ATAD5: variants seen among roughly 807,000 people sequenced by gnomAD.
The protein encoded by ATAD5 is ATPase family AAA domain-containing protein 5.
ATAD5 carries 58 observed loss-of-function variants against 176.9 expected under a neutral mutation model. That is an observed-to-expected ratio of 0.33 (90% confidence interval 0.27 to 0.41). ATAD5 has a LOEUF of 0.41. ATAD5 is among the 10% of genes least tolerant of loss of function. The pLI, the probability that ATAD5 is intolerant of heterozygous loss-of-function variation, is 1.00. For missense variants in ATAD5, 1,789 were observed against 2,094.1 expected, an observed-to-expected ratio of 0.85 and a Z score of 2.84; for synonymous variants, 640 against 712.6, an observed-to-expected ratio of 0.90 and a Z score of 1.62.
chr17:30,837,168 T>A, intron 2 of ATAD5, 38 bp from the exon 3 acceptor site: 1 of 1,142,412 alleles, frequency 8.8e-7, no homozygotes, highest in Non-Finnish European at 1.2e-6. Context: ...TATGTTATAA[T>A]CATGAAAATG....
At chr17:30,866,202 T>C (rs1296851649) in intron 11 of ATAD5, among the ~76,000 whole-genome samples, 3 of 139,700 alleles carry the variant, frequency 2.1e-5, no homozygotes, top group African/African-American at 5.4e-5. Context: ...TTTTTTTTTT[T>C]TTTTTTTTTT....
At chr17:30,863,279 T>C (rs1907751644) in intron 10 of ATAD5, among the ~76,000 whole-genome samples, 1 of 152,028 alleles carries the variant, frequency 6.6e-6, no homozygotes, top group Non-Finnish European at 1.5e-5. Context: ...CACTGCAGCC[T>C]CCACCTCCTG....
At chr17:30,872,529 CTTTTTCTTTTTTTTTTTCT>C (rs141946247) in intron 14 of ATAD5, among the ~76,000 whole-genome samples, 28,924 of 142,974 alleles carry the variant, frequency 0.2, 3,268 homozygotes, top group Middle Eastern at 0.28. Flanking sequence ...CCTCAGGTTT[CTTTTTCTTTTTTTTTTTCT>C]TTTTTCTTTT....
At chr17:30,843,447 C>T (rs926424815) in intron 4 of ATAD5, among the ~76,000 whole-genome samples, 8 of 151,872 alleles carry the variant, frequency 5.3e-5, no homozygotes, top group South Asian at 2.1e-4. Context: ...GTCAGGAGTT[C>T]GAGACCAGCC....
At chr17:30,834,080 A>G in intron 1 of ATAD5, 68 bp from the exon 2 acceptor site, 1 of 1,274,180 alleles carries the variant, frequency 7.8e-7, no homozygotes, top group Non-Finnish European at 1.1e-6. Context: ...TATTAGATCC[A>G]TGTTTAAAAT....
chr17:30,894,611 G>T lies in ATAD5; in HGVS notation c.5345G>T (p.Arg1782Leu). 1 of 1,613,116 alleles carries T rather than the reference G, an allele frequency of 6.2e-7. No homozygotes were observed. The highest frequency in any genetic ancestry group is 8.5e-7 in the Non-Finnish European group (1 of 1,179,586). Residue 1782 changes from arginine to leucine, a missense_variant, in exon 22 of 23, where the codon CGA becomes CTA. Arg to Leu is a moderately radical substitution (Grantham distance 102). This residue lies in a region of ATAD5 where 403 missense variants were observed against 495.1 expected (regional missense o/e 0.81). Coordinates refer to ENST00000321990, the MANE Select transcript of ATAD5 (RefSeq NM_024857.5). Reference protein sequence around the residue: ...ISVIKSVFSSRSLLYVGNRQA... With the variant: ...ISVIKSVFSSLSLLYVGNRQA... ...GTCATTAAAAGTGTATTTTCGAGTC[G>T]ATCTCTTCTCTATGTGGGTAATAGA...
intron 18 of ATAD5, among the ~76,000 whole-genome samples, chr17:30,879,918 G>A (rs1908912464): frequency 6.6e-6 from 1 of 151,852 alleles, no homozygotes; most frequent in African/African-American, 2.4e-5. Context: ...CAGCTACTTG[G>A]GAGGCTGAGG....
At chr17:30,845,580 T>G (rs1218720415) in intron 6 of ATAD5, among the ~76,000 whole-genome samples, 7 of 152,024 alleles carry the variant, frequency 4.6e-5, no homozygotes, top group Non-Finnish European at 2.9e-5. Flanking sequence ...GGGTGAGAGG[T>G]GGGTGCCAGC....
In ATAD5 at chr17:30,869,610, T is replaced by G. The variant is rs1336967402; in HGVS notation, c.3571T>G (p.Cys1191Gly). Residue 1191 changes from cysteine to glycine, a missense_variant, in exon 14 of 23, where the codon TGT becomes GGT. This residue lies in a region of ATAD5 where 194 missense variants were observed against 270.1 expected (regional missense o/e 0.72). Transcript: ENST00000321990. ...DKQGVNSQKP[C>G]FFNSYYIGKS... ...ACAAGGTGTAAACTCACAAAAACCC[T>G]GTTTTTTTAATAGCTACTACATAGG... The G allele has an allele frequency of 6.2e-7, 1 of 1,602,370 alleles. No homozygotes were observed. The highest frequency in any genetic ancestry group is 2.2e-5 in the East Asian group (1 of 44,794).
chr17:30,881,681 G>A (rs991072541), intron 18 of ATAD5, among the ~76,000 whole-genome samples: 1 of 152,182 alleles, frequency 6.6e-6, no homozygotes, highest in African/African-American at 2.4e-5. Context: ...GGGAGGCAGA[G>A]GCAGGCGGAT....
intron 18 of ATAD5, among the ~76,000 whole-genome samples, chr17:30,886,887 C>T (rs943920816): frequency 6.6e-6 from 1 of 152,114 alleles, no homozygotes; most frequent in Non-Finnish European, 1.5e-5. Context: ...TATACTGTTA[C>T]TTAATCCTAA....
rs775712635 is a variant in ATAD5, at chr17:30,858,368, G to GA, written c.2956+45_2956+46insA. On this transcript the variant is annotated intron_variant, in intron 9 of 22. Transcript: ENST00000321990. Reference sequence around the variant, plus strand: ...ATTTATGTTAACATACCAGTTTTGGGTTTTTATATTATTTATTATTTTATT... The same window carrying GA: ...ATTTATGTTAACATACCAGTTTTGGGATTTTTATATTATTTATTATTTTATT... The GA allele has an allele frequency of 3.2e-6, 4 of 1,251,338 alleles. No individual in the cohort carries two copies. In the African/African-American group the frequency reaches 6.3e-5, roughly 20 times the overall value. 77.5% of individuals were successfully genotyped at this position (1,251,338 alleles called of 1,614,324 possible). A position where few individuals can be genotyped will look rare whatever the true frequency, so the allele number is the denominator to read the frequency against.
rs146196968 is a variant in ATAD5 at position 30,835,076 on chromosome 17, C to T, written c.995C>T (p.Pro332Leu). 3.3e-5 allele frequency: 53 copies of T among 1,613,942 alleles called. No homozygotes were observed. Among genetic ancestry groups the T allele is most frequent in the Middle Eastern group, 1.6e-4 (1 of 6,062 alleles). ...GTTCTTGCACAGGTTCACCCTATTC[C>T]GCCCAAAAAGACAGGGAAAATACCC... Reference protein sequence around the residue: ...VTVLAQVHPIPPKKTGKIPRI... With the variant: ...VTVLAQVHPILPKKTGKIPRI... Residue 332 changes from proline (P) to leucine (L), a missense_variant, in exon 2 of 23, where the codon CCG becomes CTG. Pro to Leu is a moderately conservative substitution (Grantham distance 98). This residue lies in a region of ATAD5 where 696 missense variants were observed against 712.5 expected (regional missense o/e 0.98). Coordinates refer to ENST00000321990, the MANE Select transcript of ATAD5 (RefSeq NM_024857.5).
chr17:30,848,340 G>C (rs1906663442), intron 6 of ATAD5, among the ~76,000 whole-genome samples: 1 of 151,756 alleles, frequency 6.6e-6, no homozygotes. Context: ...TGACCTCCAA[G>C]GGTCAGGTGA....
chr17:30,852,142 C>T (rs1307419341), intron 6 of ATAD5, among the ~76,000 whole-genome samples: 1 of 152,080 alleles, frequency 6.6e-6, no homozygotes, highest in Non-Finnish European at 1.5e-5. Flanking sequence ...TTTTTGTCTC[C>T]TCAGTTTATC....
At chr17:30,873,905 G>A (rs1265466475) in intron 14 of ATAD5, among the ~76,000 whole-genome samples, 3 of 151,976 alleles carry the variant, frequency 2.0e-5, no homozygotes, top group Non-Finnish European at 2.9e-5. Flanking sequence ...AGTGGGTCAT[G>A]CCTGTAATCC....
chr17:30,857,809 C>T (rs1184074529), intron 8 of ATAD5, among the ~76,000 whole-genome samples: 11 of 148,640 alleles, frequency 7.4e-5, no homozygotes, highest in African/African-American at 2.7e-4. Context: ...GGCACGATCT[C>T]GGCTCACTGC....
intron 1 of ATAD5, among the ~76,000 whole-genome samples, chr17:30,833,435 C>G (rs1056085008): frequency 2.0e-5 from 3 of 152,086 alleles, no homozygotes; most frequent in Non-Finnish European, 2.9e-5. Flanking sequence ...TGCTTAATAG[C>G]AACCCTATGA....
At chr17:30,887,865 A>T (rs1421832373) in intron 19 of ATAD5, among the ~76,000 whole-genome samples, 1 of 152,088 alleles carries the variant, frequency 6.6e-6, no homozygotes, top group East Asian at 1.9e-4. Context: ...GGAGTCTCGC[A>T]CTGTTGCCTG....
Sources: allele counts gnomAD v4.1 joint callset (sites outside exome capture counted in the v4.1 genomes callset), GRCh38; gene constraint gnomAD v4.1.1; regional missense constraint gnomAD v4.1.1; transcripts MANE v1.5; gene names NCBI Gene and HGNC (gene_info 2026-07-23, HGNC 2026-07-21).